KAT6A: variants seen among roughly 807,000 people sequenced by gnomAD.
The protein encoded by KAT6A is histone acetyltransferase KAT6A.
KAT6A carries 9 observed loss-of-function variants against 198.4 expected under a neutral mutation model. The ratio of observed to expected loss-of-function variants is 0.05; its 90% CI spans 0.03 to 0.08. The LOEUF (loss-of-function observed/expected upper bound fraction) is 0.08, where lower values mean the gene tolerates loss of function less well. Ranked by LOEUF, KAT6A falls within the 10% of genes least tolerant of loss-of-function variation. The pLI is 1.00. For missense variants in KAT6A, 2,077 were observed against 2,509.9 expected, an observed-to-expected ratio of 0.83 and a Z score of 3.69; for synonymous variants, 890 against 883.0, an observed-to-expected ratio of 1.01 and a Z score of -0.14.
In KAT6A at chr8:42,050,430, A is replaced by G. The variant is rs368827812; in HGVS notation, c.-325-1128T>C. Among the ~76,000 whole-genome samples, 4 of 152,232 alleles carry G rather than the reference A, an allele frequency of 2.6e-5. No homozygotes were observed. The East Asian group carries it at 7.7e-4, about 29-fold the overall frequency. ...TCATTCTGGAGATCATTTGCATTAC[A>G]ATATAAACAATGCTAGACAAATGGC... On this transcript the variant is annotated intron_variant, in intron 1 of 16. Coordinates refer to ENST00000265713, the MANE Select transcript of KAT6A (RefSeq NM_006766.5).
At chr8:42,030,951 A>C (rs1341348685) in intron 2 of KAT6A, among the ~76,000 whole-genome samples, 1 of 147,274 alleles carries the variant, frequency 6.8e-6, no homozygotes, top group South Asian at 2.2e-4. Flanking sequence ...TATGAAGTGC[A>C]TGAGCATATA....
chr8:41,931,384 A>C lies in KAT6A; in HGVS notation c.*821T>G. The C allele has an allele frequency of 4.7e-6, 1 of 214,354 alleles. No individual in the cohort carries two copies. The highest frequency in any genetic ancestry group is 9.4e-6 in the Non-Finnish European group (1 of 105,864). The allele number at this position is 214,354 out of a possible 1,614,324, so 13.3% of individuals were successfully genotyped here. A position where few individuals can be genotyped will look rare whatever the true frequency, so the allele number is the denominator to read the frequency against. ...CCTCCAAAGGCTGGATTTGGATTGC[A>C]AACAGCTTTTCTCTGAGATTCTGCT... On this transcript the variant is annotated 3_prime_UTR_variant, in exon 17 of 17. Coordinates refer to ENST00000265713, the MANE Select transcript of KAT6A (RefSeq NM_006766.5).
At position 41,933,693 on chromosome 8, in the gene KAT6A, G is replaced by A. The variant is rs775761156; in HGVS notation, c.4527C>T (p.Tyr1509=). 5 of 1,613,928 alleles carry A rather than the reference G, an allele frequency of 3.1e-6. No homozygotes were observed. The African/African-American group carries it at 5.3e-5, about 17-fold the overall frequency. Residue 1509 remains tyrosine (Y), a synonymous_variant, in exon 17 of 17, where the codon TAC becomes TAT. Transcript: ENST00000265713. This position sits in a 1 kb window ranked among gnomAD's most constrained non-coding sequence, Gnocchi z 6.2. ...SPNVPALESG[Y]TQISPEQGSL... ...ATCCTTGTTCTGGGCTGATCTGGGT[G>A]TAGCCACTCTCAAGGGCAGGCACGT...
intron 2 of KAT6A, among the ~76,000 whole-genome samples, chr8:41,991,195 T>G (rs1824927740): frequency 6.6e-6 from 1 of 152,156 alleles, no homozygotes; most frequent in South Asian, 2.1e-4. Context: ...CACCAAAATG[T>G]TCAGAGCAGC....
intron 2 of KAT6A, among the ~76,000 whole-genome samples, chr8:42,027,232 T>C (rs993190141): frequency 2.6e-5 from 4 of 152,332 alleles, no homozygotes; most frequent in South Asian, 2.1e-4. Context: ...TATTGGCCTG[T>C]AGTTTTCTTT....
At chr8:42,046,638 G>C (rs1802317185) in intron 2 of KAT6A, among the ~76,000 whole-genome samples, 1 of 152,150 alleles carries the variant, frequency 6.6e-6, no homozygotes, top group Non-Finnish European at 1.5e-5. Context: ...CCTGTTTCCA[G>C]GCAGTTAACC....
In KAT6A at chr8:41,934,542, C is replaced by T. The variant is rs1821752248; in HGVS notation, c.3678G>A (p.Glu1226=). The part of the protein sequence containing the change: ...DMPLPEERKE[E]EEMQAEAEEA... ...CTTCTGCCTCTGCTTGCATCTCCTC[C>T]TCCTCCTTCCTCTCCTCGGGTAGGG... Residue 1226 remains glutamate (E), a synonymous_variant, in exon 17 of 17, where the codon GAG becomes GAA. Coordinates refer to ENST00000265713, the MANE Select transcript of KAT6A (RefSeq NM_006766.5). 1 of 1,613,920 alleles carries T rather than the reference C, an allele frequency of 6.2e-7. No individual in the cohort carries two copies. Among genetic ancestry groups the T allele is most frequent in the African/African-American group, 1.3e-5 (1 of 74,864 alleles).
intron 5 of KAT6A, among the ~76,000 whole-genome samples, chr8:41,980,202 A>G (rs1824279608): frequency 6.6e-6 from 1 of 152,132 alleles, no homozygotes; most frequent in South Asian, 2.1e-4. Flanking sequence ...TTTTTTTTAA[A>G]GAACCTATAA....
chr8:42,031,759 T>C (rs887740840), intron 2 of KAT6A, among the ~76,000 whole-genome samples: 3 of 149,258 alleles, frequency 2.0e-5, no homozygotes, highest in Non-Finnish European at 3.0e-5. Flanking sequence ...GCCTCCCAAG[T>C]AGCTGGGATT....
intron 16 of KAT6A, 28 bp downstream of exon 16, chr8:41,937,228 C>A: frequency 6.4e-7 from 1 of 1,563,542 alleles, no homozygotes; most frequent in South Asian, 1.1e-5. Context: ...GACAATAAAC[C>A]ACAGTAAGTG....
chr8:42,038,291 G>C (rs1235042892), intron 2 of KAT6A, among the ~76,000 whole-genome samples: 1 of 152,126 alleles, frequency 6.6e-6, no homozygotes, highest in East Asian at 1.9e-4. Context: ...AACAACATAA[G>C]AAAACCTTGA....
intron 8 of KAT6A, among the ~76,000 whole-genome samples, chr8:41,959,990 T>C (rs1182946908): frequency 6.6e-6 from 1 of 151,846 alleles, no homozygotes; most frequent in Non-Finnish European, 1.5e-5. Context: ...GGAAGGCAAT[T>C]CTGACACAGG....
chr8:42,012,250 G>A lies in KAT6A; in HGVS notation c.601-24687C>T, dbSNP rs112178103. On this transcript the variant is annotated intron_variant, in intron 2 of 16. Coordinates refer to ENST00000265713, the MANE Select transcript of KAT6A (RefSeq NM_006766.5). The stretch of plus-strand genomic sequence containing the variant: ...ATACAACCCAGCAACACACCTCCTA[G>A]GTATCTGCCCAAGTCAAATGAAAAC... Among the ~76,000 whole-genome samples the A allele has an allele frequency of 1.7e-3, 263 of 152,230 alleles. 1 individual carries two copies. The highest frequency in any genetic ancestry group is 5.9e-3 in the African/African-American group (244 of 41,546).
chr8:42,003,262 T>C (rs913811890), intron 2 of KAT6A, among the ~76,000 whole-genome samples: 1 of 152,068 alleles, frequency 6.6e-6, no homozygotes, highest in Non-Finnish European at 1.5e-5. Context: ...GAACTAGACT[T>C]CCCATGCGCC....
At chr8:41,935,826 G>T (rs1386391057) in intron 16 of KAT6A, among the ~76,000 whole-genome samples, 1 of 152,160 alleles carries the variant, frequency 6.6e-6, no homozygotes, top group East Asian at 1.9e-4. Context: ...AGTGTACAAT[G>T]ATCTAAGACA....
rs1375974545 is a variant in KAT6A at position 41,932,827 on chromosome 8, T to A, written c.5393A>T (p.His1798Leu). 1.9e-6 allele frequency: 3 copies of A among 1,613,816 alleles called. No individual in the cohort carries two copies. Among genetic ancestry groups the A allele is most frequent in the Non-Finnish European group, 2.5e-6 (3 of 1,179,954 alleles). Residue 1798 changes from histidine to leucine, a missense_variant, in exon 17 of 17, where the codon CAT (histidine) becomes CTT (leucine). Transcript: ENST00000265713. ...TGCTTGAGGAGTCCCAGCTAAGGGA[T>A]GAGATGGAGCCAGCTGAGCCAGTCC... ...NTGLAQLAPS[H>L]PLAGTPQAQA...
Position 41,941,243 on chromosome 8 carries a change from C to T in KAT6A, c.2638G>A (p.Gly880Ser). Reference protein sequence around the residue: ...RKNRKTQERFGDKDSKLLLEE... With the variant: ...RKNRKTQERFSDKDSKLLLEE... ...AAGAGCAGTTTAGAATCTTTATCAC[C>T]AAAACGTTCCTGGGTTTTTCTGTTC... is the stretch of plus-strand genomic sequence containing the variant. Residue 880 changes from glycine to serine, a missense_variant, in exon 15 of 17, where the codon GGT becomes AGT. By Grantham distance (56) the Gly-to-Ser change is moderately conservative (BLOSUM62 0). This residue lies in a region of KAT6A where 301 missense variants were observed against 272.2 expected (regional missense o/e 1.11). Coordinates refer to ENST00000265713, the MANE Select transcript of KAT6A (RefSeq NM_006766.5). 6.2e-7 allele frequency: 1 copy of T among 1,614,080 alleles called. No homozygotes were observed. Among genetic ancestry groups the T allele is most frequent in the Non-Finnish European group, 8.5e-7 (1 of 1,180,010 alleles).
chr8:42,045,679 A>G (rs1478600373), intron 2 of KAT6A, among the ~76,000 whole-genome samples: 1 of 151,976 alleles, frequency 6.6e-6, no homozygotes, highest in Non-Finnish European at 1.5e-5. Flanking sequence ...TTATTTCTCC[A>G]AAATCAAATG....
Position 42,049,139 on chromosome 8 carries a change from A to C in KAT6A, c.-162T>G. 2.8e-6 allele frequency: 2 copies of C among 704,720 alleles called. No homozygotes were observed. Among genetic ancestry groups the C allele is most frequent in the South Asian group, 3.8e-5 (2 of 53,058 alleles). 43.7% of individuals were successfully genotyped at this position (704,720 alleles called of 1,614,324 possible). ...TCCTCCTTTCACAAAACAGAATGCCACCCCAATTGTACTATAGAAACCAAA... is the reference window on the plus strand; with the variant it reads ...TCCTCCTTTCACAAAACAGAATGCCCCCCCAATTGTACTATAGAAACCAAA... On this transcript the variant is annotated 5_prime_UTR_variant, in exon 2 of 17. Transcript: ENST00000265713.
Sources: allele counts gnomAD v4.1 joint callset (sites outside exome capture counted in the v4.1 genomes callset), GRCh38; gene constraint gnomAD v4.1.1; regional missense constraint gnomAD v4.1.1; non-coding constraint Gnocchi (gnomAD v3.1); transcripts MANE v1.5; gene names NCBI Gene and HGNC (gene_info 2026-07-23, HGNC 2026-07-21).